PCYT2: variants seen among roughly 807,000 people sequenced by gnomAD.
PCYT2 encodes the protein ethanolamine-phosphate cytidylyltransferase.
PCYT2 carries 33 observed loss-of-function variants against 50.0 expected under a neutral mutation model. That is an observed-to-expected ratio of 0.66 (90% CI 0.50 to 0.88). PCYT2 has a LOEUF of 0.88. Among genes scored for constraint, PCYT2 ranks in the 40% least tolerant of loss-of-function variants. The pLI is 0.00. For synonymous variants in PCYT2, 240 were observed against 203.7 expected (o/e 1.18, Z -1.52); for missense variants, 430 against 519.7 (o/e 0.83, Z 1.68).
intron 11 of PCYT2, 21 bp downstream of exon 11, chr17:81,905,361 G>A: frequency 6.5e-7 from 1 of 1,549,830 alleles, no homozygotes; most frequent in Non-Finnish European, 8.7e-7. Context: ...CCTGTGCCCA[G>A]CAAGGGCCAG....
rs754483131 is a variant in PCYT2 at position 81,909,627 on chromosome 17, G to A, written c.90-25C>T. 9.4e-6 allele frequency: 15 copies of A among 1,587,978 alleles called. 1 individual carries two copies. In the South Asian group the frequency reaches 1.5e-4, roughly 16 times the overall value. On this transcript the variant is annotated intron_variant, in intron 1 of 12. Transcript: ENST00000538936. The stretch of plus-strand genomic sequence containing the variant: ...GCTGTGGAGACAGAGAGAGTGGGTG[G>A]TCCCTGTGCCAAGGGTGGGGACCAG...
At chr17:81,907,626 G>A (rs2040347673) in intron 5 of PCYT2, 28 bp from the exon 6 acceptor site, 3 of 1,609,954 alleles carry the variant, frequency 1.9e-6, no homozygotes, top group Middle Eastern at 3.3e-4. Context: ...GCAGGGCTGA[G>A]GGGCCTGCCC....
Position 81,905,645 on chromosome 17 carries a change from G to A in PCYT2, c.903+25C>T, listed in dbSNP as rs367714989. The A allele has an allele frequency of 3.2e-5, 52 of 1,604,620 alleles. No homozygotes were observed. In the African/African-American group the frequency reaches 5.5e-4, roughly 17 times the overall value. On this transcript the variant is annotated intron_variant, in intron 10 of 12. Coordinates refer to ENST00000538936, the MANE Select transcript of PCYT2 (RefSeq NM_002861.5). ...AGGAACAGAGGTGAACAGAGGGAAC[G>A]AGGTGAGCCCATGCGGAGCCTCACC...
At chr17:81,910,862 C>G (rs1449826296) in intron 1 of PCYT2, 8 of 986,790 alleles carry the variant, frequency 8.1e-6, no homozygotes, top group Non-Finnish European at 8.4e-6. Context: ...GCGGGCTTCA[C>G]CGCGGGTCCC....
Position 81,906,760 on chromosome 17 carries a change from G to C in PCYT2, c.676C>G (p.His226Asp). 6.2e-7 allele frequency: 1 copy of C among 1,612,762 alleles called. No individual in the cohort carries two copies. Among genetic ancestry groups the C allele is most frequent in the Non-Finnish European group, 8.5e-7 (1 of 1,179,746 alleles). The change falls in exon 7 of 13, where the codon CAC becomes GAC. Residue 226 changes from histidine to aspartate, a missense_variant and splice_region_variant. His to Asp is a moderately conservative substitution (Grantham distance 81). Around this residue, in one of 4 missense-constraint regions of PCYT2, gnomAD observed 248 missense variants for 300.2 expected, o/e 0.83. Transcript: ENST00000538936. Reference protein sequence around the residue: ...IYVAGAFDLFHIGHVDFLEKV... With the variant: ...IYVAGAFDLFDIGHVDFLEKV... ...GGAGCAGCAGAGGCCCAGAGGATACGGAACAGGTCGAAGGCACCAGCCACA... is the reference window on the plus strand; with the variant it reads ...GGAGCAGCAGAGGCCCAGAGGATACCGAACAGGTCGAAGGCACCAGCCACA...
rs2040015258 is a variant in PCYT2, at chr17:81,902,814, C to G, written c.*2019G>C. On this transcript the variant is annotated 3_prime_UTR_variant, in exon 13 of 13. Transcript: ENST00000538936. ...CACCGTCCCACTCGGTGACCCCAGGCCCCTCCGGCGCGGGATGGCGCCCCA... is the reference window on the plus strand; with the variant it reads ...CACCGTCCCACTCGGTGACCCCAGGGCCCTCCGGCGCGGGATGGCGCCCCA... 6.8e-7 allele frequency: 1 copy of G among 1,460,012 alleles called. No homozygotes were observed. The highest frequency in any genetic ancestry group is 2.3e-5 in the Admixed American group (1 of 44,334). 90.4% of individuals were successfully genotyped at this position (1,460,012 alleles called of 1,614,324 possible).
At chr17:81,908,376 C>A (rs1261054534) in intron 4 of PCYT2, among the ~76,000 whole-genome samples, 192 bp downstream of exon 4, 1 of 152,256 alleles carries the variant, frequency 6.6e-6, no homozygotes, top group African/African-American at 2.4e-5. Context: ...GTCTGCAGCA[C>A]CAAATGGCAA....
chr17:81,909,974 C>T (rs1318660244), intron 1 of PCYT2, among the ~76,000 whole-genome samples: 1 of 152,194 alleles, frequency 6.6e-6, no homozygotes, highest in Non-Finnish European at 1.5e-5. Context: ...TTAAAATAAG[C>T]CGATGTTAAC....
intron 1 of PCYT2, among the ~76,000 whole-genome samples, chr17:81,910,215 C>A (rs767982706): frequency 1.3e-5 from 2 of 152,230 alleles, no homozygotes; most frequent in Non-Finnish European, 2.9e-5. Context: ...TCTGCTAACA[C>A]GTGAACTCTC....
chr17:81,911,011 G>T, intron 1 of PCYT2: 1 of 996,044 alleles, frequency 1.0e-6, no homozygotes, highest in Non-Finnish European at 1.2e-6. Context: ...ATCTCAGCGC[G>T]GTGGCTGCAC....
intron 1 of PCYT2, among the ~76,000 whole-genome samples, chr17:81,910,616 G>A (rs2040540884): frequency 6.6e-6 from 1 of 152,200 alleles, no homozygotes; most frequent in African/African-American, 2.4e-5. Flanking sequence ...GAGGTGACTC[G>A]GACACAGAAG....
At chr17:81,906,586 G>T (rs1421981467) in intron 7 of PCYT2, 40 bp from the exon 8 acceptor site, 1 of 1,598,096 alleles carries the variant, frequency 6.3e-7, no homozygotes, top group East Asian at 2.2e-5. Context: ...GGGGATGACA[G>T]GGAGCAGCTC....
chr17:81,909,066 G>T (rs752361920), intron 2 of PCYT2, 29 bp from the exon 3 acceptor site: 2 of 1,603,096 alleles, frequency 1.2e-6, no homozygotes, highest in Non-Finnish European at 1.7e-6. Context: ...GGAGACTGGG[G>T]ACCCCAGCCC....
chr17:81,902,611 G>C lies in PCYT2; in HGVS notation c.*2222C>G. The stretch of plus-strand genomic sequence containing the variant: ...GCGGCCCCTCAGCCTTTGCTTGCCT[G>C]CCCCCCAGGCTGTGTGCGTCCAGGA... On this transcript the variant is annotated 3_prime_UTR_variant, in exon 13 of 13. Coordinates refer to ENST00000538936, the MANE Select transcript of PCYT2 (RefSeq NM_002861.5). The C allele has an allele frequency of 6.4e-7, 1 of 1,568,820 alleles. No homozygotes were observed. Among genetic ancestry groups the C allele is most frequent in the Non-Finnish European group, 8.6e-7 (1 of 1,162,768 alleles).
rs1025145843 is a variant in PCYT2, at chr17:81,902,787, C to T, written c.*2046G>A. 2 of 1,562,850 alleles carry T rather than the reference C, an allele frequency of 1.3e-6. No homozygotes were observed. The highest frequency in any genetic ancestry group is 1.7e-6 in the Non-Finnish European group (2 of 1,157,342). ...CTGGCACCGCTGGGGGCCCCCCGCCCCCACCGTCCCACTCGGTGACCCCAG... is the reference window on the plus strand; with the variant it reads ...CTGGCACCGCTGGGGGCCCCCCGCCTCCACCGTCCCACTCGGTGACCCCAG... On this transcript the variant is annotated 3_prime_UTR_variant, in exon 13 of 13. Coordinates refer to ENST00000538936, the MANE Select transcript of PCYT2 (RefSeq NM_002861.5).
rs754891360 is a variant in PCYT2 at position 81,901,156 on chromosome 17, G to A, written c.*3677C>T. 3.3e-5 allele frequency: 5 copies of A among 151,558 alleles called. No individual in the cohort carries two copies. Among genetic ancestry groups the A allele is most frequent in the Non-Finnish European group, 5.9e-5 (4 of 67,864 alleles). The allele number at this position is 151,558 out of a possible 1,614,324, so 9.4% of individuals were successfully genotyped here. A position where few individuals can be genotyped will look rare whatever the true frequency, so the allele number is the denominator to read the frequency against. On this transcript the variant is annotated 3_prime_UTR_variant, in exon 13 of 13. Transcript: ENST00000538936. ...CCTGGCAAGCCACTGGTGTAGGTCCGAGAGTCCAAAAGCTGAAGAACCTGG... is the reference window on the plus strand; with the variant it reads ...CCTGGCAAGCCACTGGTGTAGGTCCAAGAGTCCAAAAGCTGAAGAACCTGG...
At position 81,902,753 on chromosome 17, in the gene PCYT2, G is replaced by C; in HGVS notation, c.*2080C>G. The stretch of plus-strand genomic sequence containing the variant: ...GCCGACTGCCTCGCCGCCTGAGCCC[G>C]GACCTCTCCTGGCACCGCTGGGGGC... On this transcript the variant is annotated 3_prime_UTR_variant, in exon 13 of 13. Coordinates refer to ENST00000538936, the MANE Select transcript of PCYT2 (RefSeq NM_002861.5). The C allele has an allele frequency of 1.9e-6, 3 of 1,603,510 alleles. No individual in the cohort carries two copies. Among genetic ancestry groups the C allele is most frequent in the Non-Finnish European group, 2.5e-6 (3 of 1,176,654 alleles).
intron 1 of PCYT2, among the ~76,000 whole-genome samples, chr17:81,910,336 C>T (rs953689105): frequency 6.6e-6 from 1 of 152,230 alleles, no homozygotes; most frequent in East Asian, 1.9e-4. Context: ...CTGTCCCTGC[C>T]TCTCCAGGGA....
intron 3 of PCYT2, 119 bp downstream of exon 3, chr17:81,908,757 C>A: frequency 7.5e-7 from 1 of 1,333,070 alleles, no homozygotes; most frequent in Non-Finnish European, 1.1e-6. Context: ...GGTGGGGGCC[C>A]GGAAATGTCT....
Sources: allele counts gnomAD v4.1 joint callset (sites outside exome capture counted in the v4.1 genomes callset), GRCh38; gene constraint gnomAD v4.1.1; regional missense constraint gnomAD v4.1.1; transcripts MANE v1.5; gene names NCBI Gene and HGNC (gene_info 2026-07-23, HGNC 2026-07-21).